FGF7: variants seen among roughly 807,000 people sequenced by gnomAD.
FGF7 encodes the protein FGF-7.
In FGF7, 6 loss-of-function variants were observed where a neutral mutation model predicts 20.5. The ratio of observed to expected loss-of-function variants is 0.29; its 90% CI spans 0.16 to 0.58. The LOEUF (loss-of-function observed/expected upper bound fraction) is 0.58, where lower values mean the gene tolerates loss of function less well. FGF7 is among the 20% of genes least tolerant of loss of function. The probability of loss-of-function intolerance (pLI) is 0.90; values close to 1 mark genes in which losing one functional copy is unlikely to be tolerated. For missense variants in FGF7, 144 were observed against 228.8 expected (o/e 0.63, Z 2.39); for synonymous variants, 64 against 74.7 (o/e 0.86, Z 0.74).
chr15:49,430,099 C>A (rs1056607231), intron 2 of FGF7, among the ~76,000 whole-genome samples: 3 of 151,902 alleles, frequency 2.0e-5, no homozygotes, highest in Admixed American at 2.0e-4. Context: ...CTGGGCTCAT[C>A]TGACCTCTCT....
intron 2 of FGF7, among the ~76,000 whole-genome samples, chr15:49,476,232 G>GTCTTTTTTTTTTTTTTTTTTTTTTTTTT (rs2055279697): frequency 1.7e-5 from 1 of 57,440 alleles, no homozygotes; most frequent in Non-Finnish European, 3.6e-5. Context: ...TTTGTTTTTG[G>GTCTTTTTTTTTTTTTTTTTTTTTTTTTT]TTTTTTTTTT....
chr15:49,450,175 C>CAGAAG (rs1164641274), intron 2 of FGF7, among the ~76,000 whole-genome samples: 1 of 152,048 alleles, frequency 6.6e-6, no homozygotes, highest in Non-Finnish European at 1.5e-5. Flanking sequence ...ATTAGAATGG[C>CAGAAG]AGAAGAGTGA....
intron 2 of FGF7, among the ~76,000 whole-genome samples, chr15:49,447,059 T>C (rs2052288395): frequency 6.6e-6 from 1 of 151,598 alleles, no homozygotes; most frequent in Non-Finnish European, 1.5e-5. Context: ...GTGATTCTAC[T>C]AACATTACCC....
intron 2 of FGF7, among the ~76,000 whole-genome samples, chr15:49,450,895 GA>G (rs923637855): frequency 3.9e-5 from 6 of 151,958 alleles, no homozygotes; most frequent in Non-Finnish European, 8.8e-5. Flanking sequence ...ACCTATTTGG[GA>G]AAAAAACTAA....
chr15:49,480,160 T>C (rs980917559), intron 2 of FGF7, among the ~76,000 whole-genome samples: 2 of 152,222 alleles, frequency 1.3e-5, no homozygotes, highest in African/African-American at 4.8e-5. Flanking sequence ...CCAGTGTTAA[T>C]GGTATTTTTT....
At chr15:49,429,426 T>C (rs2050400821) in intron 2 of FGF7, among the ~76,000 whole-genome samples, 1 of 152,014 alleles carries the variant, frequency 6.6e-6, no homozygotes, top group Non-Finnish European at 1.5e-5. Flanking sequence ...AATAAGTTCA[T>C]TCATTGCCAC....
At chr15:49,430,217 G>A (rs1417093937) in intron 2 of FGF7, among the ~76,000 whole-genome samples, 1 of 152,060 alleles carries the variant, frequency 6.6e-6, no homozygotes, top group Admixed American at 6.6e-5. Flanking sequence ...TGAGTTAGCT[G>A]CAGGGAAGAA....
chr15:49,438,292 C>G (rs1452986296), intron 2 of FGF7, among the ~76,000 whole-genome samples: 1 of 151,706 alleles, frequency 6.6e-6, no homozygotes, highest in East Asian at 1.9e-4. Context: ...TAGTTAATAT[C>G]AATTAATAAC....
At chr15:49,467,826 C>A (rs1340012679) in intron 2 of FGF7, among the ~76,000 whole-genome samples, 1 of 152,114 alleles carries the variant, frequency 6.6e-6, no homozygotes, top group Non-Finnish European at 1.5e-5. Flanking sequence ...AAGGTGGGTC[C>A]CTTGCATTCC....
At chr15:49,449,722 T>C (rs1360950586) in intron 2 of FGF7, among the ~76,000 whole-genome samples, 1 of 152,210 alleles carries the variant, frequency 6.6e-6, no homozygotes, top group African/African-American at 2.4e-5. Flanking sequence ...GCTTCTATAC[T>C]TGTGCAATTG....
intron 2 of FGF7, among the ~76,000 whole-genome samples, chr15:49,445,264 G>A (rs1195641205): frequency 6.6e-6 from 1 of 151,466 alleles, no homozygotes; most frequent in Non-Finnish European, 1.5e-5. Context: ...TTCAACCCTT[G>A]CCTACATCTC....
At chr15:49,478,360 T>C (rs1319846399) in intron 2 of FGF7, among the ~76,000 whole-genome samples, 1 of 152,068 alleles carries the variant, frequency 6.6e-6, no homozygotes, top group Non-Finnish European at 1.5e-5. Flanking sequence ...TGTTGTGTTT[T>C]CAGTGTTTTT....
intron 2 of FGF7, among the ~76,000 whole-genome samples, chr15:49,457,306 T>A (rs2053397299): frequency 1.3e-5 from 2 of 151,940 alleles, no homozygotes; most frequent in South Asian, 2.1e-4. Context: ...TGGAAAAAAA[T>A]CAAATCAGCG....
chr15:49,466,544 C>T (rs1188883681), intron 2 of FGF7, among the ~76,000 whole-genome samples: 1 of 152,106 alleles, frequency 6.6e-6, no homozygotes, highest in African/African-American at 2.4e-5. Context: ...GAGTATACCA[C>T]TGAAACTTTT....
chr15:49,456,196 T>G (rs1395389651), intron 2 of FGF7, among the ~76,000 whole-genome samples: 2 of 152,164 alleles, frequency 1.3e-5, no homozygotes, highest in Non-Finnish European at 2.9e-5. Flanking sequence ...GAATTAATTC[T>G]TTAGAATTTC....
At chr15:49,457,269 C>CTTA in intron 2 of FGF7, among the ~76,000 whole-genome samples, 2 of 151,930 alleles carry the variant, frequency 1.3e-5, no homozygotes, top group Middle Eastern at 6.8e-3. Context: ...ATTCCAAATG[C>CTTA]GGTAACAACG....
chr15:49,463,645 G>A (rs4480740), intron 2 of FGF7, among the ~76,000 whole-genome samples: 38,609 of 151,586 alleles, frequency 0.25, 5,768 homozygotes, highest in Non-Finnish European at 0.35. Context: ...CTGGAAGTTC[G>A]CTGTGTATAA....
chr15:49,440,364 T>C (rs894515109), intron 2 of FGF7, among the ~76,000 whole-genome samples: 2 of 151,726 alleles, frequency 1.3e-5, no homozygotes, highest in Non-Finnish European at 3.0e-5. Flanking sequence ...AGGGGTAGAA[T>C]ATTGCTCCAA....
At chr15:49,466,513 T>C (rs1224780390) in intron 2 of FGF7, among the ~76,000 whole-genome samples, 1 of 152,160 alleles carries the variant, frequency 6.6e-6, no homozygotes. Flanking sequence ...AAGAGGTTTT[T>C]GTTTGCTTTT....
Sources: allele counts gnomAD v4.1 joint callset (sites outside exome capture counted in the v4.1 genomes callset), GRCh38; gene constraint gnomAD v4.1.1; transcripts MANE v1.5; gene names NCBI Gene and HGNC (gene_info 2026-07-23, HGNC 2026-07-21).